The following FBXL17 variants were observed in gnomAD, a reference collection of about 807,000 sequenced individuals.
The protein encoded by FBXL17 is F-box and leucine rich repeat protein 17, also known as F-box/LRR-repeat protein 17.
A neutral mutation model predicts 66.2 loss-of-function variants in FBXL17; 22 were observed. The observed-to-expected ratio is 0.33, with a 90% CI of 0.24 to 0.47. The LOEUF (loss-of-function observed/expected upper bound fraction) is 0.47. Among genes scored for constraint, FBXL17 ranks in the 20% least tolerant of loss-of-function variants. The probability of loss-of-function intolerance (pLI) is 1.00; values close to 1 mark genes in which losing one functional copy is unlikely to be tolerated. For synonymous variants in FBXL17, 474 were observed against 400.5 expected, an observed-to-expected ratio of 1.18 and a Z score of -2.19; for missense variants, 878 against 948.2, an observed-to-expected ratio of 0.93 and a Z score of 0.97.
At chr5:108,180,058 A>G (rs1752941228) in intron 6 of FBXL17, among the ~76,000 whole-genome samples, 1 of 152,208 alleles carries the variant, frequency 6.6e-6, no homozygotes, top group Non-Finnish European at 1.5e-5. Context: ...GCCTGAATTC[A>G]GAATATTTAT....
intron 7 of FBXL17, among the ~76,000 whole-genome samples, chr5:107,982,309 A>G (rs1202690468): frequency 6.6e-6 from 1 of 152,112 alleles, no homozygotes; most frequent in African/African-American, 2.4e-5. Context: ...GGCCATCAAT[A>G]TTGACCTTAT....
intron 6 of FBXL17, among the ~76,000 whole-genome samples, chr5:108,091,316 TA>T (rs1749179855): frequency 6.6e-6 from 1 of 152,248 alleles, no homozygotes; most frequent in Admixed American, 6.5e-5. Flanking sequence ...GTCCCTTTGC[TA>T]CTTAAAAACG....
intron 4 of FBXL17, among the ~76,000 whole-genome samples, chr5:108,271,005 A>G (rs1757244907): frequency 6.6e-6 from 1 of 152,096 alleles, no homozygotes; most frequent in East Asian, 1.9e-4. Flanking sequence ...GTAAGCATGC[A>G]ATTCACCTCC....
intron 7 of FBXL17, among the ~76,000 whole-genome samples, chr5:107,937,389 A>G (rs1207370792): frequency 2.0e-5 from 3 of 152,128 alleles, no homozygotes; most frequent in Non-Finnish European, 1.5e-5. Context: ...GGGAAACTCC[A>G]CTTAACAGCT....
intron 6 of FBXL17, among the ~76,000 whole-genome samples, chr5:108,157,704 C>T (rs192180820): frequency 6.6e-6 from 1 of 151,180 alleles, no homozygotes; most frequent in Non-Finnish European, 1.5e-5. Context: ...AATATAAATA[C>T]TTGAGAAAAA....
chr5:108,356,699 G>T (rs981296165), intron 3 of FBXL17, among the ~76,000 whole-genome samples: 1 of 151,930 alleles, frequency 6.6e-6, no homozygotes, highest in African/African-American at 2.4e-5. Flanking sequence ...GAATACAGAG[G>T]ATTTTTAGAG....
Position 107,881,133 on chromosome 5 carries a change from A to G in FBXL17, c.1869T>C (p.Asp623=). 1 of 1,613,886 alleles carries G rather than the reference A, an allele frequency of 6.2e-7. No homozygotes were observed. The highest frequency in any genetic ancestry group is 8.5e-7 in the Non-Finnish European group (1 of 1,179,854). ...GRYSMTIETV[D]VGWCKEITDQ... ...CTGTGATTTCTTTACACCATCCGAC[A>G]TCCACAGTCTCTATTGTCATGCTGT... is the stretch of plus-strand genomic sequence containing the variant. The change falls in exon 8 of 9, where the codon GAT becomes GAC. Residue 623 remains aspartate, a synonymous_variant. Transcript: ENST00000542267.
intron 6 of FBXL17, among the ~76,000 whole-genome samples, chr5:108,171,154 A>G (rs537893875): frequency 1.2e-3 from 185 of 152,356 alleles, no homozygotes; most frequent in Non-Finnish European, 2.4e-3. Flanking sequence ...AAGATTAAAT[A>G]GCAGTACTGG....
At chr5:108,295,999 G>A (rs1250696289) in intron 4 of FBXL17, among the ~76,000 whole-genome samples, 2 of 146,934 alleles carry the variant, frequency 1.4e-5, no homozygotes, top group Non-Finnish European at 3.0e-5. Context: ...GTGCTAGTAA[G>A]AATAGGGTGG....
rs565965629 is a variant in FBXL17, at chr5:107,924,616, T to A, written c.1823-43437A>T. 3.3e-5 allele frequency among the ~76,000 whole-genome samples: 5 copies of A among 152,300 alleles called. No individual in the cohort carries two copies. The South Asian group carries it at 1.0e-3, about 32-fold the overall frequency. On this transcript the variant is annotated intron_variant, in intron 7 of 8. Transcript: ENST00000542267. ...GTCTCCATCTAGAATTCTCTTTTTGTCATATTCACTATCAATGTACCCAGC... is the reference window on the plus strand; with the variant it reads ...GTCTCCATCTAGAATTCTCTTTTTGACATATTCACTATCAATGTACCCAGC...
intron 6 of FBXL17, among the ~76,000 whole-genome samples, chr5:108,091,404 G>T (rs566612688): frequency 1.6e-4 from 24 of 152,294 alleles, no homozygotes; most frequent in African/African-American, 5.8e-4. Flanking sequence ...AGTAACAAAA[G>T]ATCGCATTTC....
At chr5:107,894,094 A>G (rs548403710) in intron 7 of FBXL17, among the ~76,000 whole-genome samples, 1 of 152,308 alleles carries the variant, frequency 6.6e-6, no homozygotes, top group African/African-American at 2.4e-5. Context: ...TATAGCTGGG[A>G]CAGAAAATGG....
In FBXL17 at chr5:108,359,022, C is replaced by T. The variant is rs146780599; in HGVS notation, c.1374+5716G>A. On this transcript the variant is annotated intron_variant, in intron 3 of 8. Transcript: ENST00000542267. ...GAGTAGCTGGAACTCAGAATTTCTA[C>T]TTCTTGGGTCAGTTTTTCTGGTTTC... Among the ~76,000 whole-genome samples, 220 of 152,160 alleles carry T rather than the reference C, an allele frequency of 1.4e-3. 1 individual carries two copies. Among genetic ancestry groups the T allele is most frequent in the African/African-American group, 5.2e-3 (214 of 41,536 alleles).
At chr5:108,051,317 A>G (rs1411408779) in intron 6 of FBXL17, among the ~76,000 whole-genome samples, 1 of 152,258 alleles carries the variant, frequency 6.6e-6, no homozygotes, top group African/African-American at 2.4e-5. Flanking sequence ...ATCCCTGATG[A>G]ACATTGATAC....
intron 4 of FBXL17, among the ~76,000 whole-genome samples, chr5:108,343,726 T>G (rs1172491231): frequency 3.3e-5 from 5 of 152,122 alleles, no homozygotes; most frequent in African/African-American, 1.2e-4. Flanking sequence ...CTACCAATTT[T>G]TTCACCTAAC....
intron 6 of FBXL17, among the ~76,000 whole-genome samples, chr5:108,096,224 C>T (rs552200525): frequency 2.6e-5 from 4 of 152,250 alleles, no homozygotes; most frequent in East Asian, 1.9e-4. Context: ...AGTCCACACA[C>T]GGAGCATTAG....
At chr5:108,280,459 C>T (rs911415430) in intron 4 of FBXL17, among the ~76,000 whole-genome samples, 1 of 151,860 alleles carries the variant, frequency 6.6e-6, no homozygotes, top group African/African-American at 2.4e-5. Context: ...TCAAGGGAGT[C>T]CTAAACTTGG....
intron 6 of FBXL17, among the ~76,000 whole-genome samples, chr5:108,139,233 A>G (rs1272646465): frequency 6.6e-6 from 1 of 152,226 alleles, no homozygotes; most frequent in Non-Finnish European, 1.5e-5. Flanking sequence ...GTAACGGAGG[A>G]TATTCCTGGA....
At position 107,881,037 on chromosome 5, in the gene FBXL17, T is replaced by C. The variant is rs763125367; in HGVS notation, c.1965A>G (p.Lys655=). ...LRYLGLMRCD[K]VNEVTVEQLV... ...AAACAACTTGATAGTCAACTCTTAC[T>C]TTATCACATCTCATCAGCCCCAAAT... The change falls in exon 8 of 9, where the codon AAA becomes AAG. Residue 655 remains lysine (K), a splice_region_variant and synonymous_variant. Coordinates refer to ENST00000542267, the MANE Select transcript of FBXL17 (RefSeq NM_001163315.3). 1.9e-6 allele frequency: 3 copies of C among 1,613,990 alleles called. No individual in the cohort carries two copies.
Sources: gnomAD v4.1 joint callset for allele counts (sites outside exome capture counted in the v4.1 genomes callset) on GRCh38, gnomAD v4.1.1 for gene constraint, MANE v1.5 for transcripts, NCBI Gene and HGNC (gene_info 2026-07-23, HGNC 2026-07-21) for gene names.